SNTG2: variants seen among roughly 807,000 people sequenced by gnomAD.
SNTG2 encodes syntrophin gamma 2, also known as gamma-2-syntrophin.
In SNTG2, 74 loss-of-function variants were observed where a neutral mutation model predicts 70.9. The ratio of observed to expected loss-of-function variants is 1.04; its 90% CI spans 0.86 to 1.27. The LOEUF (loss-of-function observed/expected upper bound fraction) is 1.27, where lower values mean the gene tolerates loss of function less well. Ranked by LOEUF, SNTG2 falls within the 50% of genes most tolerant of loss-of-function variation. The pLI, the probability that SNTG2 is intolerant of heterozygous loss-of-function variation, is 0.00. For missense variants in SNTG2, 717 were observed against 690.7 expected (o/e 1.04, Z -0.43); for synonymous variants, 278 against 273.8 (o/e 1.02, Z -0.15).
At chr2:1,123,435 G>T (rs1358427776) in intron 4 of SNTG2, among the ~76,000 whole-genome samples, 1 of 152,148 alleles carries the variant, frequency 6.6e-6, no homozygotes, top group East Asian at 1.9e-4. Context: ...TGGACTAAGG[G>T]CATCAGGAGG....
At chr2:1,073,504 A>G (rs1663713036) in intron 1 of SNTG2, among the ~76,000 whole-genome samples, 1 of 152,252 alleles carries the variant, frequency 6.6e-6, no homozygotes, top group African/African-American at 2.4e-5. Flanking sequence ...CACACTTAAT[A>G]GACTACAGTA....
At chr2:979,589 G>A (rs953190262) in intron 1 of SNTG2, among the ~76,000 whole-genome samples, 41 of 152,174 alleles carry the variant, frequency 2.7e-4, no homozygotes, top group Admixed American at 2.7e-3. Flanking sequence ...TCGCCCCGTG[G>A]CTTTGTTGCT....
In SNTG2 at chr2:1,028,525, A is replaced by ACCTC. The variant is rs1572251028; in HGVS notation, c.73-54992_73-54991insCTCC. ...TCGGGTCAGGCTCATTTCCCTCTAG[A>ACCTC]CGGGAGGCCTGGTGTCAGTCACTTA... On this transcript the variant is annotated intron_variant, in intron 1 of 16. Transcript: ENST00000308624. Among the ~76,000 whole-genome samples, 3 of 152,156 alleles carry ACCTC rather than the reference A, an allele frequency of 2.0e-5. 1 individual carries two copies. Among genetic ancestry groups the ACCTC allele is most frequent in the African/African-American group, 7.2e-5 (3 of 41,416 alleles).
At chr2:963,325 A>T (rs1456087387) in intron 1 of SNTG2, among the ~76,000 whole-genome samples, 1 of 151,958 alleles carries the variant, frequency 6.6e-6, no homozygotes, top group Non-Finnish European at 1.5e-5. Flanking sequence ...AATGTGCTTC[A>T]AACAGATAAG....
chr2:1,078,882 G>C (rs1261541510), intron 1 of SNTG2, among the ~76,000 whole-genome samples: 4 of 152,200 alleles, frequency 2.6e-5, no homozygotes, highest in Non-Finnish European at 5.9e-5. Context: ...GAACTGAGGA[G>C]TTTCAACCAA....
Position 1,073,447 on chromosome 2 carries a change from AT to A in SNTG2, c.73-10064del, listed in dbSNP as rs563981780. Among the ~76,000 whole-genome samples the A allele has an allele frequency of 2.4e-4, 37 of 152,324 alleles. No homozygotes were observed. In the East Asian group the frequency reaches 6.5e-3, roughly 27 times the overall value. ...TTGTTAACATTTTTAGCAATAAAGTATTTTTTTAATTAAGGTATATACATTG... is the reference window on the plus strand; with the variant it reads ...TTGTTAACATTTTTAGCAATAAAGTATTTTTTAATTAAGGTATATACATTG... On this transcript the variant is annotated intron_variant, in intron 1 of 16. Coordinates refer to ENST00000308624, the MANE Select transcript of SNTG2 (RefSeq NM_018968.4).
intron 1 of SNTG2, among the ~76,000 whole-genome samples, chr2:962,515 G>A (rs183991508): frequency 4.6e-4 from 70 of 152,300 alleles, no homozygotes; most frequent in African/African-American, 1.5e-3. Context: ...TGCTGGAGTA[G>A]CTGCATTTGA....
chr2:1,331,432 T>G (rs1231041749), intron 16 of SNTG2, among the ~76,000 whole-genome samples: 2 of 152,242 alleles, frequency 1.3e-5, no homozygotes, highest in Non-Finnish European at 2.9e-5. Flanking sequence ...TTTGTCTTAA[T>G]AACTTTACAA....
chr2:1,121,391 G>A (rs28851828), intron 4 of SNTG2, among the ~76,000 whole-genome samples: 102,100 of 151,678 alleles, frequency 0.67, 34,685 homozygotes, highest in African/African-American at 0.72. Flanking sequence ...GAAGGAAAGA[G>A]GATGAGAACA....
chr2:1,210,389 T>C (rs1484086697), intron 9 of SNTG2: 3 of 152,184 alleles, frequency 2.0e-5, no homozygotes, highest in Non-Finnish European at 4.4e-5. Flanking sequence ...GACAGACAGA[T>C]AGATAATATT....
intron 12 of SNTG2, among the ~76,000 whole-genome samples, chr2:1,255,156 C>T (rs548746968): frequency 1.1e-4 from 16 of 152,124 alleles, no homozygotes; most frequent in Admixed American, 2.6e-4. Flanking sequence ...GAAGCCATGG[C>T]GTGGAGCCAG....
intron 14 of SNTG2, among the ~76,000 whole-genome samples, chr2:1,269,696 C>A (rs1033490957): frequency 1.3e-5 from 2 of 152,120 alleles, no homozygotes. Flanking sequence ...TAGGCTAATG[C>A]TCCATTTGGC....
chr2:1,073,178 A>T lies in SNTG2; in HGVS notation c.73-10340A>T, dbSNP rs550395781. Reference sequence around the variant, plus strand: ...ACAGTGGCAGGGTTTAAGAGGTTTGACCTCAATTTTGAAAGAAGTTGTACT... The same window carrying T: ...ACAGTGGCAGGGTTTAAGAGGTTTGTCCTCAATTTTGAAAGAAGTTGTACT... On this transcript the variant is annotated intron_variant, in intron 1 of 16. Transcript: ENST00000308624. Among the ~76,000 whole-genome samples, 8 of 152,338 alleles carry T rather than the reference A, an allele frequency of 5.3e-5. No individual in the cohort carries two copies. In the South Asian group the frequency reaches 1.7e-3, roughly 32 times the overall value.
chr2:1,130,872 T>A (rs1442436297), intron 4 of SNTG2, among the ~76,000 whole-genome samples: 1 of 152,238 alleles, frequency 6.6e-6, no homozygotes, highest in East Asian at 1.9e-4. Flanking sequence ...ATTGGCACTG[T>A]CAATTTAGAG....
chr2:1,259,998 C>T (rs1367741511), intron 13 of SNTG2, among the ~76,000 whole-genome samples: 1 of 152,230 alleles, frequency 6.6e-6, no homozygotes, highest in Admixed American at 6.5e-5. Context: ...ACGATGCGCT[C>T]ACCGTGGCCG....
At chr2:1,062,468 CTAAA>C (rs1345415811) in intron 1 of SNTG2, among the ~76,000 whole-genome samples, 5 of 151,850 alleles carry the variant, frequency 3.3e-5, no homozygotes, top group African/African-American at 1.2e-4. Context: ...AAATAACTGA[CTAAA>C]TAAAAACAAG....
intron 14 of SNTG2, among the ~76,000 whole-genome samples, chr2:1,303,653 C>A (rs531615687): frequency 6.6e-6 from 1 of 152,024 alleles, no homozygotes; most frequent in South Asian, 2.1e-4. Context: ...GAAGAGGAAA[C>A]CAGTAAAACA....
At chr2:1,003,856 T>A (rs1459565200) in intron 1 of SNTG2, among the ~76,000 whole-genome samples, 4 of 152,236 alleles carry the variant, frequency 2.6e-5, no homozygotes, top group Non-Finnish European at 2.9e-5. Flanking sequence ...CATATTTTCT[T>A]TGTACATAAA....
intron 1 of SNTG2, among the ~76,000 whole-genome samples, chr2:965,871 G>T: frequency 6.6e-6 from 1 of 152,274 alleles, no homozygotes; most frequent in East Asian, 1.9e-4. Context: ...GCTGGCACCT[G>T]GGCAGGAGTC....
Sources: allele counts gnomAD v4.1 joint callset (sites outside exome capture counted in the v4.1 genomes callset), GRCh38; gene constraint gnomAD v4.1.1; transcripts MANE v1.5; gene names NCBI Gene and HGNC (gene_info 2026-07-23, HGNC 2026-07-21).